The following PDE1C variants were observed in gnomAD, a reference collection of about 807,000 sequenced individuals.
The protein encoded by PDE1C is phosphodiesterase 1C, also known as dual specificity calcium/calmodulin-dependent 3',5'-cyclic nucleotide phosphodiesterase 1C.
PDE1C carries 62 observed loss-of-function variants against 93.1 expected under a neutral mutation model. The observed-to-expected ratio is 0.67, with a 90% confidence interval of 0.54 to 0.82. The LOEUF is 0.82. Among genes scored for constraint, PDE1C ranks in the 40% least tolerant of loss-of-function variants. The pLI is 0.00. For synonymous variants in PDE1C, 325 were observed against 310.1 expected (o/e 1.05, Z -0.50); for missense variants, 742 against 884.6 (o/e 0.84, Z 2.04).
chr7:32,077,507 C>T (rs752741171), intron 3 of PDE1C, among the ~76,000 whole-genome samples: 2 of 152,192 alleles, frequency 1.3e-5, no homozygotes, highest in Non-Finnish European at 2.9e-5. Context: ...ATATTACATA[C>T]ATTAATCCCT....
chr7:31,697,846 A>G, the PDE1C span, among the ~76,000 whole-genome samples: 38 of 152,226 alleles, frequency 2.5e-4, no homozygotes, highest in Non-Finnish European at 4.8e-4. Flanking sequence ...AATATAATAG[A>G]GAGGCTATTA....
rs575290600 is a variant in PDE1C, at chr7:31,902,753, T to C, written c.129-21893A>G. Among the ~76,000 whole-genome samples the C allele has an allele frequency of 1.8e-3, 274 of 151,524 alleles. 1 individual carries two copies. Among genetic ancestry groups the C allele is most frequent in the African/African-American group, 6.2e-3 (257 of 41,488 alleles). On this transcript the variant is annotated intron_variant, in intron 2 of 17. Coordinates refer to ENST00000396191, the MANE Select transcript of PDE1C (RefSeq NM_001191057.4). ...CAATTTTTATAGCTATCATTATCATTATAACACATGCAATTTAGAATTATG... is the reference window on the plus strand; with the variant it reads ...CAATTTTTATAGCTATCATTATCATCATAACACATGCAATTTAGAATTATG...
intron 16 of PDE1C, among the ~76,000 whole-genome samples, chr7:31,794,034 A>AGACG: frequency 8.3e-6 from 1 of 120,792 alleles, no homozygotes; most frequent in South Asian, 3.3e-4. Context: ...ATAGATAGAT[A>AGACG]GATAGATAGA....
the PDE1C span, among the ~76,000 whole-genome samples, chr7:31,669,197 A>T: frequency 2.0e-5 from 3 of 152,198 alleles, no homozygotes; most frequent in African/African-American, 7.2e-5. Context: ...GCCAGTAGCC[A>T]TTGTAGCAAT....
At chr7:32,069,463 CT>C (rs1289494174) in intron 1 of PDE1C, among the ~76,000 whole-genome samples, 6 of 152,206 alleles carry the variant, frequency 3.9e-5, no homozygotes, top group Admixed American at 2.0e-4. Context: ...TGGAAGGTGT[CT>C]TTGGGACCTG....
the PDE1C span, among the ~76,000 whole-genome samples, chr7:31,669,739 C>CCATT: frequency 6.6e-6 from 1 of 152,206 alleles, no homozygotes; most frequent in African/African-American, 2.4e-5. Flanking sequence ...CTTTGTTAGA[C>CCATT]CATTACTCAT....
chr7:31,692,387 G>GT, the PDE1C span: 2 of 1,421,434 alleles, frequency 1.4e-6, no homozygotes, highest in East Asian at 2.3e-5. Flanking sequence ...CTTATTAACT[G>GT]TTTTTTATAC....
At chr7:32,317,651 C>A (rs1783203985) in intron 1 of PDE1C, among the ~76,000 whole-genome samples, 1 of 151,952 alleles carries the variant, frequency 6.6e-6, no homozygotes, top group Non-Finnish European at 1.5e-5. Context: ...TTCATCCTAC[C>A]CATAGCCATG....
the PDE1C span, among the ~76,000 whole-genome samples, chr7:31,726,289 C>T: frequency 6.6e-6 from 1 of 152,044 alleles, no homozygotes. Context: ...TTGTCTTGAA[C>T]TCAAGTGATC....
chr7:31,628,143 G>T, the PDE1C span, among the ~76,000 whole-genome samples: 2 of 152,192 alleles, frequency 1.3e-5, no homozygotes, highest in African/African-American at 2.4e-5. Flanking sequence ...AATAAAGGAC[G>T]GCAGCCATTT....
chr7:31,864,352 A>G lies in PDE1C; in HGVS notation c.750+590T>C, dbSNP rs145512081. On this transcript the variant is annotated intron_variant, in intron 7 of 17. Coordinates refer to ENST00000396191, the MANE Select transcript of PDE1C (RefSeq NM_001191057.4). ...GCCTGGGTGATAGACTGAGATTTCC[A>G]TGTCTTAAAAAAAAATTTTTAAAGC... 3.1e-3 allele frequency among the ~76,000 whole-genome samples: 468 copies of G among 152,282 alleles called. 5 individuals are homozygous for G. The highest frequency in any genetic ancestry group is 0.011 in the African/African-American group (445 of 41,556).
At chr7:32,054,609 A>C (rs1189747055) in intron 1 of PDE1C, among the ~76,000 whole-genome samples, 1 of 152,208 alleles carries the variant, frequency 6.6e-6, no homozygotes, top group Non-Finnish European at 1.5e-5. Flanking sequence ...ACATCAAAAG[A>C]TGGGTTGTGC....
At chr7:31,888,293 A>G (rs1029995803) in intron 2 of PDE1C, among the ~76,000 whole-genome samples, 1 of 151,486 alleles carries the variant, frequency 6.6e-6, no homozygotes, top group African/African-American at 2.4e-5. Flanking sequence ...AAGTCTAAAA[A>G]TAAGTGATCT....
chr7:31,768,952 C>T (rs571732023), intron 17 of PDE1C, among the ~76,000 whole-genome samples: 6 of 152,200 alleles, frequency 3.9e-5, no homozygotes, highest in South Asian at 2.1e-4. Context: ...CGTGCCACCA[C>T]GCCTGGCTAA....
intron 1 of PDE1C, among the ~76,000 whole-genome samples, chr7:32,415,580 C>T (rs1785258161): frequency 1.3e-5 from 2 of 152,148 alleles, no homozygotes; most frequent in Admixed American, 1.3e-4. Context: ...TTAGAAGCAG[C>T]CTGGAGTGCA....
chr7:31,719,752 A>G, the PDE1C span, among the ~76,000 whole-genome samples: 2 of 152,316 alleles, frequency 1.3e-5, no homozygotes, highest in East Asian at 3.9e-4. Context: ...GTTTGGGCAT[A>G]CCAGTCAATA....
At chr7:32,369,304 A>C (rs1784283521) in intron 1 of PDE1C, among the ~76,000 whole-genome samples, 2 of 152,242 alleles carry the variant, frequency 1.3e-5, no homozygotes, top group Admixed American at 1.3e-4. Flanking sequence ...AACAGCAAAA[A>C]CAAATTAATG....
chr7:31,670,817 G>C, the PDE1C span, among the ~76,000 whole-genome samples: 1 of 152,006 alleles, frequency 6.6e-6, no homozygotes, highest in African/African-American at 2.4e-5. Flanking sequence ...TGGCCCACCT[G>C]GTCTCCCATC....
intron 1 of PDE1C, among the ~76,000 whole-genome samples, chr7:32,409,200 A>AG (rs1043462148): frequency 2.0e-5 from 3 of 152,010 alleles, no homozygotes; most frequent in African/African-American, 7.2e-5. Context: ...CTAAAAAAAA[A>AG]ATACAAAAAA....
Sources: allele counts gnomAD v4.1 joint callset (sites outside exome capture counted in the v4.1 genomes callset), GRCh38; gene constraint gnomAD v4.1.1; transcripts MANE v1.5; gene names NCBI Gene and HGNC (gene_info 2026-07-23, HGNC 2026-07-21).